Variants in KIF13B observed in about 807,000 individuals in gnomAD.
The protein encoded by KIF13B is kinesin family member 13B.
KIF13B carries 127 observed loss-of-function variants against 222.0 expected under a neutral mutation model. The ratio of observed to expected loss-of-function variants is 0.57; its 90% CI spans 0.50 to 0.66. The LOEUF (loss-of-function observed/expected upper bound fraction) is 0.66. KIF13B is among the 30% of genes least tolerant of loss of function. The probability of loss-of-function intolerance (pLI) is 0.00; values close to 1 mark genes in which losing one functional copy is unlikely to be tolerated. For synonymous variants in KIF13B, 976 were observed against 919.0 expected (o/e 1.06, Z -1.12); for missense variants, 2,173 against 2,379.0 (o/e 0.91, Z 1.80).
chr8:29,262,476 T>C (rs1346316460), intron 1 of KIF13B, among the ~76,000 whole-genome samples: 4 of 152,074 alleles, frequency 2.6e-5, no homozygotes, highest in Admixed American at 2.0e-4. Context: ...CTGCCCTTCT[T>C]CCCGCCGCGG....
rs1811024802 is a variant in KIF13B, at chr8:29,145,643, GA to G, written c.2187+734del. Among the ~76,000 whole-genome samples, 5 of 151,960 alleles carry G rather than the reference GA, an allele frequency of 3.3e-5. No individual in the cohort carries two copies. The South Asian group carries it at 1.0e-3, about 32-fold the overall frequency. Reference sequence around the variant, plus strand: ...AAGACTCCCTCTCAAACAAAAAAAAGAAAAATAGAATATCCAAGATGGATTG... The same window carrying G: ...AAGACTCCCTCTCAAACAAAAAAAAGAAAATAGAATATCCAAGATGGATTG... On this transcript the variant is annotated intron_variant, in intron 18 of 39. Transcript: ENST00000524189.
intron 37 of KIF13B, among the ~76,000 whole-genome samples, chr8:29,087,924 A>C (rs1298227576): frequency 1.3e-5 from 2 of 151,892 alleles, no homozygotes; most frequent in African/African-American, 4.8e-5. Context: ...AAAAAAAAAA[A>C]CTTCTACATA....
At chr8:29,170,668 G>A (rs939519405) in intron 10 of KIF13B, among the ~76,000 whole-genome samples, 4 of 152,174 alleles carry the variant, frequency 2.6e-5, no homozygotes, top group African/African-American at 9.7e-5. Context: ...CTAGAGGCAA[G>A]ACAACACTCA....
intron 2 of KIF13B, among the ~76,000 whole-genome samples, chr8:29,206,635 T>G (rs1813954629): frequency 6.6e-6 from 1 of 152,188 alleles, no homozygotes. Context: ...TTCCTTCTGA[T>G]AGTCATTCAT....
intron 35 of KIF13B, among the ~76,000 whole-genome samples, chr8:29,099,506 T>C (rs899989862): frequency 1.3e-5 from 2 of 152,040 alleles, no homozygotes; most frequent in Non-Finnish European, 2.9e-5. Flanking sequence ...TCCATAGCAG[T>C]GGGGACTGCA....
Position 29,165,679 on chromosome 8 carries a change from T to C in KIF13B, c.1252A>G (p.Thr418Ala). The C allele has an allele frequency of 6.2e-7, 1 of 1,611,388 alleles. No homozygotes were observed. Among genetic ancestry groups the C allele is most frequent in the Non-Finnish European group, 8.5e-7 (1 of 1,177,538 alleles). ...TVTWEEKLRK[T>A]EEIAQERQKQ... ...ACACGAACCTGTGCAATCTCCTCCG[T>C]TTTCCTTAATTTCTCCTCCCAGGTC... The change falls in exon 12 of 40, where the codon ACG (threonine) becomes GCG (alanine). Residue 418 changes from threonine to alanine, a missense_variant. By Grantham distance (58) the Thr-to-Ala change is moderately conservative. Transcript: ENST00000524189.
chr8:29,148,398 CCG>C (rs1491569961), intron 16 of KIF13B, among the ~76,000 whole-genome samples, 177 bp downstream of exon 16: 4 of 141,080 alleles, frequency 2.8e-5, no homozygotes, highest in Non-Finnish European at 6.2e-5. Context: ...TAACACTCTA[CCG>C]TTTTTTTTTT....
In KIF13B at chr8:29,070,486, TC is replaced by T; in HGVS notation, c.*17del. 7.5e-6 allele frequency: 12 copies of T among 1,608,198 alleles called. No individual in the cohort carries two copies. The highest frequency in any genetic ancestry group is 1.0e-5 in the Non-Finnish European group (12 of 1,177,796). Reference sequence around the variant, plus strand: ...AGGGGCCGGGCACCCCCAGAAAAGTTCGCCCTAAGGCAGCGGCTCAGCTGGC... The same window carrying T: ...AGGGGCCGGGCACCCCCAGAAAAGTTGCCCTAAGGCAGCGGCTCAGCTGGC... On this transcript the variant is annotated 3_prime_UTR_variant, in exon 40 of 40. Coordinates refer to ENST00000524189, the MANE Select transcript of KIF13B (RefSeq NM_015254.4). This position sits in a 1 kb window ranked among gnomAD's most constrained non-coding sequence, Gnocchi z 4.1.
intron 2 of KIF13B, among the ~76,000 whole-genome samples, chr8:29,204,635 C>T (rs760389614): frequency 5.9e-5 from 9 of 152,108 alleles, no homozygotes; most frequent in Non-Finnish European, 1.0e-4. Flanking sequence ...ATTTCATATC[C>T]CACATTCACA....
At chr8:29,142,657 TG>T (rs1032508725) in intron 18 of KIF13B, among the ~76,000 whole-genome samples, 5 of 151,970 alleles carry the variant, frequency 3.3e-5, no homozygotes, top group Admixed American at 3.3e-4. Context: ...CTGGCCAACA[TG>T]GTGAAACCCC....
intron 29 of KIF13B, 133 bp downstream of exon 29, chr8:29,122,458 C>G: frequency 1.4e-6 from 1 of 694,548 alleles, no homozygotes; most frequent in Non-Finnish European, 2.6e-6. Context: ...AACCAGGAGA[C>G]ATGGACACAC....
intron 14 of KIF13B, 23 bp from the exon 15 acceptor site, chr8:29,150,406 G>A (rs754812228): frequency 4.2e-6 from 5 of 1,182,572 alleles, no homozygotes; most frequent in South Asian, 1.3e-5. Context: ...GAGATCAAAC[G>A]TGAATGATGA....
At chr8:29,110,099 A>G (rs1182821180) in intron 32 of KIF13B, 29 bp from the exon 33 acceptor site, 1 of 1,546,400 alleles carries the variant, frequency 6.5e-7, no homozygotes, top group Non-Finnish European at 8.8e-7. Context: ...TACATTATAA[A>G]AGCTTCTTGA....
At chr8:29,107,206 A>G (rs1449141608) in intron 35 of KIF13B, among the ~76,000 whole-genome samples, 3 of 152,122 alleles carry the variant, frequency 2.0e-5, no homozygotes, top group African/African-American at 2.4e-5. Context: ...ACATTTTTCA[A>G]TCATTATACA....
In KIF13B at chr8:29,146,058, G is replaced by A. The variant is rs1301650569; in HGVS notation, c.2187+320C>T. 1.5e-5 allele frequency: 8 copies of A among 546,384 alleles called. No individual in the cohort carries two copies. The South Asian group carries it at 1.9e-4, about 13-fold the overall frequency. The allele number at this position is 546,384 out of a possible 1,614,324, so 33.8% of individuals were successfully genotyped here. ...GTTGTAGAGTGGTAGCATAAGGAAGGAAAAAAAGACATTCGGGGAAGATTA... is the reference window on the plus strand; with the variant it reads ...GTTGTAGAGTGGTAGCATAAGGAAGAAAAAAAAGACATTCGGGGAAGATTA... On this transcript the variant is annotated intron_variant, in intron 18 of 39. Transcript: ENST00000524189.
chr8:29,074,034 T>C (rs1005099955), intron 38 of KIF13B, among the ~76,000 whole-genome samples: 1 of 149,426 alleles, frequency 6.7e-6, no homozygotes, highest in Non-Finnish European at 1.5e-5. Flanking sequence ...CAGGGGAGAA[T>C]ACGCAAAACT....
intron 10 of KIF13B, among the ~76,000 whole-genome samples, chr8:29,168,153 A>C (rs1812083838): frequency 6.6e-6 from 1 of 152,242 alleles, no homozygotes. Context: ...CTTCGCTCTG[A>C]TAGCACTTCA....
intron 2 of KIF13B, among the ~76,000 whole-genome samples, chr8:29,231,334 T>C (rs1563810644): frequency 6.6e-6 from 1 of 152,218 alleles, no homozygotes; most frequent in African/African-American, 2.4e-5. Flanking sequence ...ATACTACTTA[T>C]ATAACTATAT....
upstream of KIF13B, chr8:29,263,216 C>A: frequency 3.6e-6 from 2 of 561,096 alleles, no homozygotes; most frequent in South Asian, 2.3e-5. Context: ...TCCCCAGGGT[C>A]GTCGTGGGCG....
Sources: allele counts gnomAD v4.1 joint callset (sites outside exome capture counted in the v4.1 genomes callset), GRCh38; gene constraint gnomAD v4.1.1; non-coding constraint Gnocchi (gnomAD v3.1); transcripts MANE v1.5; gene names NCBI Gene and HGNC (gene_info 2026-07-23, HGNC 2026-07-21).